SHCBP1L: variants seen among roughly 807,000 people sequenced by gnomAD.
SHCBP1L encodes the protein SHC binding and spindle associated 1 like.
A neutral mutation model predicts 62.5 loss-of-function variants in SHCBP1L; 67 were observed. The ratio of observed to expected loss-of-function variants is 1.07; its 90% CI spans 0.88 to 1.31. The LOEUF (loss-of-function observed/expected upper bound fraction) is 1.31, where lower values mean the gene tolerates loss of function less well. Among genes scored for constraint, SHCBP1L ranks in the 40% most tolerant of loss-of-function variants. The probability of loss-of-function intolerance (pLI) is 0.00; values close to 1 mark genes in which losing one functional copy is unlikely to be tolerated. For synonymous variants in SHCBP1L, 284 were observed against 289.4 expected, an observed-to-expected ratio of 0.98 and a Z score of 0.19; for missense variants, 823 against 809.8, an observed-to-expected ratio of 1.02 and a Z score of -0.20.
chr1:182,942,199 T>A, intron 2 of SHCBP1L: 1 of 1,229,224 alleles, frequency 8.1e-7, no homozygotes, highest in Non-Finnish European at 1.2e-6. Flanking sequence ...CTTTAGTTTC[T>A]TGGTTAGCCA....
Position 182,899,923 on chromosome 1 carries a change from T to G in SHCBP1L, c.*60A>C. 2.9e-5 allele frequency: 41 copies of G among 1,408,154 alleles called. No homozygotes were observed. The highest frequency in any genetic ancestry group is 3.7e-5 in the Non-Finnish European group (39 of 1,053,288). 87.2% of individuals were successfully genotyped at this position (1,408,154 alleles called of 1,614,324 possible). On this transcript the variant is annotated 3_prime_UTR_variant, in exon 10 of 10. Transcript: ENST00000367547. The stretch of plus-strand genomic sequence containing the variant: ...TTGAAACTACCATTTCAGTGGGGTA[T>G]GAGAATCATGTATTAAACAAATTTG...
chr1:182,929,717 C>A lies in SHCBP1L; in HGVS notation c.1112G>T (p.Arg371Leu), dbSNP rs141913952. ...HGPFFPRILRRRKGKREFGKT... is the reference protein window; with the variant it reads ...HGPFFPRILRLRKGKREFGKT... Reference sequence around the variant, plus strand: ...TCCAAATTCTCTTTTTCCTTTCCTACGCCTCAGAATTCTTGGAAAGAAAGG... The same window carrying A: ...TCCAAATTCTCTTTTTCCTTTCCTAAGCCTCAGAATTCTTGGAAAGAAAGG... The change falls in exon 6 of 10, where the codon CGT becomes CTT. Residue 371 changes from arginine (R) to leucine (L), a missense_variant. Coordinates refer to ENST00000367547, the MANE Select transcript of SHCBP1L (RefSeq NM_030933.4). 17 of 1,591,456 alleles carry A rather than the reference C, an allele frequency of 1.1e-5. No individual in the cohort carries two copies. The highest frequency in any genetic ancestry group is 1.4e-5 in the Non-Finnish European group (17 of 1,174,330).
Position 182,914,621 on chromosome 1 carries a change from A to G in SHCBP1L, c.1183-8972T>C, listed in dbSNP as rs182159598. 1.3e-3 allele frequency among the ~76,000 whole-genome samples: 196 copies of G among 152,318 alleles called. 1 individual carries two copies. The highest frequency in any genetic ancestry group is 4.6e-3 in the African/African-American group (190 of 41,572). Reference sequence around the variant, plus strand: ...TAATCACCAAGAATATAACTAAAAAATACATACAAAAGGAAATGTGGAGTA... The same window carrying G: ...TAATCACCAAGAATATAACTAAAAAGTACATACAAAAGGAAATGTGGAGTA... On this transcript the variant is annotated intron_variant, in intron 6 of 9. Coordinates refer to ENST00000367547, the MANE Select transcript of SHCBP1L (RefSeq NM_030933.4).
chr1:182,913,493 T>C (rs1377223338), intron 6 of SHCBP1L, among the ~76,000 whole-genome samples: 1 of 152,326 alleles, frequency 6.6e-6, no homozygotes, highest in East Asian at 1.9e-4. Flanking sequence ...TCTTGTTTTG[T>C]TGTGAAAACA....
intron 5 of SHCBP1L, among the ~76,000 whole-genome samples, chr1:182,933,034 T>C (rs971132181): frequency 6.6e-6 from 1 of 152,074 alleles, no homozygotes; most frequent in African/African-American, 2.4e-5. Flanking sequence ...GCCTCCTGAG[T>C]AGTTGGGATT....
intron 5 of SHCBP1L, 69 bp from the exon 6 acceptor site, chr1:182,929,821 A>G: frequency 9.1e-7 from 1 of 1,100,444 alleles, no homozygotes; most frequent in Non-Finnish European, 1.3e-6. Context: ...TTACTTGTAA[A>G]TAAAAACTTG....
chr1:182,951,723 T>G (rs1368800852), intron 1 of SHCBP1L, among the ~76,000 whole-genome samples: 1 of 152,190 alleles, frequency 6.6e-6, no homozygotes, highest in Non-Finnish European at 1.5e-5. Flanking sequence ...TGTTTATGTC[T>G]TAATTTTCAA....
intron 6 of SHCBP1L, among the ~76,000 whole-genome samples, chr1:182,928,133 G>A (rs1003266142): frequency 2.0e-5 from 3 of 152,020 alleles, no homozygotes; most frequent in South Asian, 4.1e-4. Flanking sequence ...ATAAAAATTG[G>A]TAGAATAGCA....
intron 7 of SHCBP1L, 136 bp from the exon 8 acceptor site, chr1:182,904,566 T>TGTGTGTGTGCGC: frequency 1.1e-6 from 1 of 906,890 alleles, no homozygotes; most frequent in African/African-American, 1.7e-5. Flanking sequence ...TGTGTGTGTG[T>TGTGTGTGTGCGC]GTGTGTGTGT....
chr1:182,909,130 A>AT lies in SHCBP1L; in HGVS notation c.1183-3482dup, dbSNP rs201240737. 5.2e-3 allele frequency among the ~76,000 whole-genome samples: 795 copies of AT among 152,124 alleles called. 5 individuals are homozygous for AT. Among genetic ancestry groups the AT allele is most frequent in the Admixed American group, 8.7e-3 (132 of 15,242 alleles). ...GAACTCTGAAACCCTCCTCATTTAT[A>AT]TTTTTTTTATTCACTGAAATAAGAA... On this transcript the variant is annotated intron_variant, in intron 6 of 9. Transcript: ENST00000367547.
chr1:182,951,150 A>G (rs1651729102), intron 2 of SHCBP1L, among the ~76,000 whole-genome samples, 168 bp downstream of exon 2: 2 of 152,220 alleles, frequency 1.3e-5, no homozygotes, highest in South Asian at 4.1e-4. Context: ...GTTTACAGGC[A>G]CTAATATTCC....
chr1:182,942,703 T>C (rs1430458293), intron 2 of SHCBP1L, among the ~76,000 whole-genome samples: 1 of 152,272 alleles, frequency 6.6e-6, no homozygotes, highest in African/African-American at 2.4e-5. Flanking sequence ...AATTTTAAAA[T>C]GTTGGCACAA....
chr1:182,946,827 T>C (rs906154271), intron 2 of SHCBP1L, among the ~76,000 whole-genome samples: 1 of 152,246 alleles, frequency 6.6e-6, no homozygotes, highest in Non-Finnish European at 1.5e-5. Flanking sequence ...TTTTTCTATC[T>C]TCAAGCACAA....
At chr1:182,924,782 A>AG (rs1650652374) in intron 6 of SHCBP1L, among the ~76,000 whole-genome samples, 30 of 101,342 alleles carry the variant, frequency 3.0e-4, no homozygotes, top group African/African-American at 2.0e-3. Context: ...GAAAGAAAGA[A>AG]AGAAAGAGAG....
intron 5 of SHCBP1L, among the ~76,000 whole-genome samples, chr1:182,930,112 C>T (rs1650910710): frequency 6.6e-6 from 1 of 152,094 alleles, no homozygotes; most frequent in Non-Finnish European, 1.5e-5. Context: ...ATGGGTTATG[C>T]CTGTGACAGG....
chr1:182,945,057 G>T (rs141897215), intron 2 of SHCBP1L, among the ~76,000 whole-genome samples: 4 of 146,434 alleles, frequency 2.7e-5, no homozygotes, highest in African/African-American at 1.0e-4. Flanking sequence ...TCTGCCTCCC[G>T]GGTTCAAGCA....
At chr1:182,907,207 T>G (rs1290501014) in intron 6 of SHCBP1L, among the ~76,000 whole-genome samples, 2 of 151,488 alleles carry the variant, frequency 1.3e-5, no homozygotes, top group South Asian at 4.2e-4. Context: ...CCAAGGTGGG[T>G]GGATCACTTG....
intron 6 of SHCBP1L, among the ~76,000 whole-genome samples, chr1:182,913,223 A>G (rs1650245165): frequency 6.6e-6 from 1 of 152,164 alleles, no homozygotes; most frequent in Admixed American, 6.5e-5. Context: ...ATTAAACCCA[A>G]AAAAGGAGTT....
rs554857421 is a variant in SHCBP1L at position 182,902,307 on chromosome 1, T to C, written c.1710+732A>G. On this transcript the variant is annotated intron_variant, in intron 9 of 9. Coordinates refer to ENST00000367547, the MANE Select transcript of SHCBP1L (RefSeq NM_030933.4). ...ACCTCGTGATCTGCTCACCTCGGCC[T>C]CCCAAAGTGCTAGGATTACAGGTGT... 4.4e-4 allele frequency among the ~76,000 whole-genome samples: 67 copies of C among 152,246 alleles called. 1 individual carries two copies. In the South Asian group the frequency reaches 0.014, roughly 32 times the overall value.
Sources: allele counts gnomAD v4.1 joint callset (sites outside exome capture counted in the v4.1 genomes callset), GRCh38; gene constraint gnomAD v4.1.1; transcripts MANE v1.5; gene names NCBI Gene and HGNC (gene_info 2026-07-23, HGNC 2026-07-21).